Variants in ITGA5 observed in about 807,000 individuals in gnomAD.
The protein encoded by ITGA5 is integrin alpha-5.
Under a neutral mutation model 146.3 loss-of-function variants are expected in ITGA5, and 55 were observed. That is an observed-to-expected ratio of 0.38 (90% CI 0.30 to 0.47). The LOEUF is 0.47. Ranked by LOEUF, ITGA5 falls within the 20% of genes least tolerant of loss-of-function variation. The probability of loss-of-function intolerance (pLI) is 0.99; values close to 1 mark genes in which losing one functional copy is unlikely to be tolerated. For missense variants in ITGA5, 1,131 were observed against 1,329.0 expected, an observed-to-expected ratio of 0.85 and a Z score of 2.32; for synonymous variants, 500 against 531.8, an observed-to-expected ratio of 0.94 and a Z score of 0.82.
Position 54,405,857 on chromosome 12 carries a change from G to A in ITGA5, c.963+13C>T, listed in dbSNP as rs1289832197. The stretch of plus-strand genomic sequence containing the variant: ...AGAGGCCAAGCTGGGGTGGGGTTGA[G>A]GGGTATCCTTACCTGTTCCCCTGAG... On this transcript the variant is annotated intron_variant, in intron 10 of 29. Coordinates refer to ENST00000293379, the MANE Select transcript of ITGA5 (RefSeq NM_002205.5). The A allele has an allele frequency of 1.2e-6, 2 of 1,613,078 alleles. No individual in the cohort carries two copies. The highest frequency in any genetic ancestry group is 8.5e-7 in the Non-Finnish European group (1 of 1,179,204).
At position 54,400,977 on chromosome 12, in the gene ITGA5, T is replaced by C; in HGVS notation, c.2512A>G (p.Ser838Gly). ...TCCAGCACACCCTGGCTAATGGAGC[T>C]GGGGCCTTGGTTGATGAGCTGAGGA... ...HVYELINQGP[S>G]SISQGVLELS... The change falls in exon 25 of 30, where the codon AGC (serine) becomes GGC (glycine). Residue 838 changes from serine to glycine, a missense_variant. Physicochemically the swap from Ser to Gly is moderately conservative, Grantham distance 56 (BLOSUM62 0). This residue lies in a region of ITGA5 where 889 missense variants were observed against 1,021.5 expected (regional missense o/e 0.87). Transcript: ENST00000293379. The C allele has an allele frequency of 6.2e-7, 1 of 1,613,832 alleles. No individual in the cohort carries two copies. Among genetic ancestry groups the C allele is most frequent in the South Asian group, 1.1e-5 (1 of 90,996 alleles).
intron 9 of ITGA5, 114 bp downstream of exon 9, chr12:54,407,535 G>A: frequency 2.4e-6 from 2 of 826,816 alleles, no homozygotes; most frequent in Non-Finnish European, 4.2e-6. Context: ...ATGCCAGTCT[G>A]CCTCCAGAGC....
intron 1 of ITGA5, chr12:54,413,453 GTC>G (rs1955971642): frequency 6.6e-6 from 1 of 152,306 alleles, no homozygotes; most frequent in East Asian, 1.9e-4. Context: ...GGAGGTGCCA[GTC>G]TCCGTTACTC....
intron 2 of ITGA5, among the ~76,000 whole-genome samples, chr12:54,411,485 T>A (rs1459920356): frequency 6.6e-6 from 1 of 152,240 alleles, no homozygotes; most frequent in Admixed American, 6.5e-5. Context: ...GTGCCTGTCA[T>A]GCACTGTCAC....
Position 54,401,957 on chromosome 12 carries a change from G to A in ITGA5, c.2226+44C>T. 1 of 1,606,092 alleles carries A rather than the reference G, an allele frequency of 6.2e-7. No homozygotes were observed. Among genetic ancestry groups the A allele is most frequent in the Non-Finnish European group, 8.5e-7 (1 of 1,172,876 alleles). On this transcript the variant is annotated intron_variant, in intron 21 of 29. Transcript: ENST00000293379. This position sits in a 1 kb window ranked among gnomAD's most constrained non-coding sequence, Gnocchi z 5.0. The stretch of plus-strand genomic sequence containing the variant: ...CTCGGCTGGCTGGTTACCGCCCTCA[G>A]GTCTGCTCTCCCTCTGTCCCATCCT...
At position 54,411,917 on chromosome 12, in the gene ITGA5, C is replaced by T. The variant is rs1358317493; in HGVS notation, c.266G>A (p.Gly89Glu). 6.2e-7 allele frequency: 1 copy of T among 1,605,874 alleles called. No homozygotes were observed. Among genetic ancestry groups the T allele is most frequent in the South Asian group, 1.1e-5 (1 of 90,204 alleles). The change falls in exon 2 of 30, where the codon GGA becomes GAA. Residue 89 changes from glycine to glutamate, a missense_variant. Transcript: ENST00000293379. ...GAPKANTSQPGVLQGGAVYLC... is the reference protein window; with the variant it reads ...GAPKANTSQPEVLQGGAVYLC... ...GTAGACAGCACCACCCTGCAGCACT[C>T]CTGGCTGGCTGGTATTAGCCTTGGG...
intron 19 of ITGA5, 91 bp from the exon 20 acceptor site, chr12:54,402,421 G>C: frequency 1.6e-6 from 2 of 1,256,614 alleles, no homozygotes; most frequent in Non-Finnish European, 2.2e-6. Flanking sequence ...ACGAGGCCGG[G>C]TGTGGTGGCT....
chr12:54,401,898 A>G lies in ITGA5; in HGVS notation c.2227-43T>C. 1.2e-6 allele frequency: 2 copies of G among 1,604,292 alleles called. No individual in the cohort carries two copies. The highest frequency in any genetic ancestry group is 1.7e-6 in the Non-Finnish European group (2 of 1,171,240). On this transcript the variant is annotated intron_variant, in intron 21 of 29. Transcript: ENST00000293379. The surrounding 1 kb of genome is among the most constrained non-coding windows in gnomAD (Gnocchi z 5.0). ...GGAAAAGAGGGCAGTTAGACTGTGT[A>G]TTTCACCCTCCCTCCGCACCTCACA...
Position 54,408,879 on chromosome 12 carries a change from G to A in ITGA5, c.645+14C>T, listed in dbSNP as rs1381979375. On this transcript the variant is annotated intron_variant, in intron 5 of 29. Transcript: ENST00000293379. ...ACCACCCACGGCCCCTTCTCTCCCA[G>A]ACCACTCTCTCACCTTGGTGAACTC... 1.2e-6 allele frequency: 2 copies of A among 1,613,910 alleles called. No individual in the cohort carries two copies. The highest frequency in any genetic ancestry group is 1.7e-5 in the Admixed American group (1 of 60,016).
chr12:54,407,840 T>C lies in ITGA5; in HGVS notation c.854A>G (p.Asp285Gly). Residue 285 changes from aspartate (D) to glycine (G), a missense_variant, in exon 8 of 30, where the codon GAC becomes GGC. Around this residue, in one of 3 missense-constraint regions of ITGA5, gnomAD observed 889 missense variants for 1,021.5 expected, o/e 0.87. Transcript: ENST00000293379. ...SVAVGEFSGDDTEDFVAGVPK... is the reference protein window; with the variant it reads ...SVAVGEFSGDGTEDFVAGVPK... ...CCTGGGGACACACTCACCTTCTGTG[T>C]CATCACCACTGAATTCACCAACAGC... 1 of 1,599,572 alleles carries C rather than the reference T, an allele frequency of 6.3e-7. No individual in the cohort carries two copies. Among genetic ancestry groups the C allele is most frequent in the African/African-American group, 1.3e-5 (1 of 74,820 alleles).
Position 54,399,768 on chromosome 12 carries a change from A to T in ITGA5, c.2728-10T>A. On this transcript the variant is annotated splice_polypyrimidine_tract_variant and intron_variant, in intron 26 of 29. Coordinates refer to ENST00000293379, the MANE Select transcript of ITGA5 (RefSeq NM_002205.5). ...CAGCCTCCGGGCATTTCTAGGAAGA[A>T]AGAAGCTTGAACCTGGTGTTCTGCC... 1.2e-6 allele frequency: 2 copies of T among 1,613,778 alleles called. No homozygotes were observed. The highest frequency in any genetic ancestry group is 1.7e-6 in the Non-Finnish European group (2 of 1,179,658).
At chr12:54,398,433 A>G (rs1188913746) in intron 28 of ITGA5, among the ~76,000 whole-genome samples, 164 bp downstream of exon 28, 1 of 152,154 alleles carries the variant, frequency 6.6e-6, no homozygotes, top group Non-Finnish European at 1.5e-5. Flanking sequence ...TACCATGTTG[A>G]TCTTGCTTAC....
In ITGA5 at chr12:54,409,341, T is replaced by A; in HGVS notation, c.474A>T (p.Pro158=). ...AHGSSILACA[P]LYSWRTEKEP... is the part of the protein sequence containing the mutation. ...CCTTCTCTGTGCGCCAGCTGTACAG[T>A]GGAGCGCATGCCTGGGAGGGCCCAG... Residue 158 remains proline, a synonymous_variant, in exon 4 of 30, where the codon CCA becomes CCT. Coordinates refer to ENST00000293379, the MANE Select transcript of ITGA5 (RefSeq NM_002205.5). The surrounding 1 kb of genome is among the most constrained non-coding windows in gnomAD (Gnocchi z 4.7). 6.2e-7 allele frequency: 1 copy of A among 1,612,874 alleles called. No homozygotes were observed. The highest frequency in any genetic ancestry group is 1.3e-5 in the African/African-American group (1 of 74,974).
At chr12:54,399,570 G>T in intron 27 of ITGA5, 75 bp downstream of exon 27, 1 of 1,006,634 alleles carries the variant, frequency 9.9e-7, no homozygotes, top group South Asian at 1.3e-5. Flanking sequence ...GGTGGCTACT[G>T]CAGTGGAGAA....
intron 1 of ITGA5, chr12:54,412,188 C>A (rs549105173): frequency 6.8e-6 from 3 of 442,478 alleles, no homozygotes; most frequent in Admixed American, 4.3e-5. Context: ...CCCCTCCTCC[C>A]GCCATTCTCT....
chr12:54,401,070 G>A lies in ITGA5; in HGVS notation c.2494-75C>T. On this transcript the variant is annotated intron_variant, in intron 24 of 29. Coordinates refer to ENST00000293379, the MANE Select transcript of ITGA5 (RefSeq NM_002205.5). This position sits in a 1 kb window ranked among gnomAD's most constrained non-coding sequence, Gnocchi z 5.0. ...CCCCATTGAGACCCTGGATCACCAT[G>A]GCTCCACTATACCCTGCTGTCAGGC... The A allele has an allele frequency of 2.1e-6, 3 of 1,444,990 alleles. No homozygotes were observed. Among genetic ancestry groups the A allele is most frequent in the Non-Finnish European group, 2.9e-6 (3 of 1,048,956 alleles). 89.5% of individuals were successfully genotyped at this position (1,444,990 alleles called of 1,614,324 possible). A position where few individuals can be genotyped will look rare whatever the true frequency, so the allele number is the denominator to read the frequency against.
At chr12:54,406,081 C>T (rs1565642034) in intron 9 of ITGA5, 155 bp from the exon 10 acceptor site, 3 of 671,560 alleles carry the variant, frequency 4.5e-6, no homozygotes, top group Non-Finnish European at 5.4e-6. Context: ...CATATTCCCA[C>T]CTCTATGCCA....
chr12:54,419,215 T>A lies in ITGA5; in HGVS notation c.-17A>T. The A allele has an allele frequency of 6.4e-7, 1 of 1,550,604 alleles. No individual in the cohort carries two copies. The highest frequency in any genetic ancestry group is 8.7e-7 in the Non-Finnish European group (1 of 1,148,296). On this transcript the variant is annotated 5_prime_UTR_variant, in exon 1 of 30. Transcript: ENST00000293379. ...GCTCCCCATAGCGCCCGCTCTTCCC[T>A]GTCCTGGGGCCACCGACCCGGAGCC...
At chr12:54,399,147 C>T (rs1329931090) in intron 27 of ITGA5, among the ~76,000 whole-genome samples, 1 of 152,008 alleles carries the variant, frequency 6.6e-6, no homozygotes, top group Non-Finnish European at 1.5e-5. Flanking sequence ...GTGCCTGGCC[C>T]GTGAGCTTCT....
Sources: allele counts gnomAD v4.1 joint callset (sites outside exome capture counted in the v4.1 genomes callset), GRCh38; gene constraint gnomAD v4.1.1; regional missense constraint gnomAD v4.1.1; non-coding constraint Gnocchi (gnomAD v3.1); transcripts MANE v1.5; gene names NCBI Gene and HGNC (gene_info 2026-07-23, HGNC 2026-07-21).